Variants in DAD1 observed in about 807,000 individuals in gnomAD.
DAD1 encodes the protein defender against cell death 1.
A neutral mutation model predicts 9.0 loss-of-function variants in DAD1; 4 were observed. The observed-to-expected ratio is 0.44, with a 90% CI of 0.22 to 1.01. DAD1 has a LOEUF of 1.01. Among genes scored for constraint, DAD1 ranks in the 50% least tolerant of loss-of-function variants. The pLI is 0.24. For missense variants in DAD1, 119 were observed against 137.3 expected (o/e 0.87, Z 0.67); for synonymous variants, 60 against 62.5 (o/e 0.96, Z 0.19).
At chr14:22,573,578 C>T (rs146684163) in intron 2 of DAD1, among the ~76,000 whole-genome samples, 15,667 of 151,498 alleles carry the variant, frequency 0.1, 834 homozygotes, top group South Asian at 0.16. Context: ...GGCGTGGTGG[C>T]GGGCGCCTGT....
Position 22,578,469 on chromosome 14 carries a change from G to A in DAD1, c.212-3236C>T, listed in dbSNP as rs149670877. Among the ~76,000 whole-genome samples the A allele has an allele frequency of 3.2e-4, 49 of 152,122 alleles. No individual in the cohort carries two copies. The East Asian group carries it at 8.5e-3, about 26-fold the overall frequency. ...TAATCCCAGCTACTCAGGAGGCTGAGGCAGGAGAATTTGCTTAAACTCAGG... is the reference window on the plus strand; with the variant it reads ...TAATCCCAGCTACTCAGGAGGCTGAAGCAGGAGAATTTGCTTAAACTCAGG... On this transcript the variant is annotated intron_variant, in intron 1 of 2. Coordinates refer to ENST00000250498, the MANE Select transcript of DAD1 (RefSeq NM_001344.4).
chr14:22,573,282 G>A (rs945587168), intron 2 of DAD1, among the ~76,000 whole-genome samples: 15 of 151,912 alleles, frequency 9.9e-5, no homozygotes, highest in African/African-American at 3.4e-4. Flanking sequence ...AAAGTGCTGG[G>A]ATTATAGGCA....
At chr14:22,588,717 G>A (rs1195254661) in intron 1 of DAD1, among the ~76,000 whole-genome samples, 5 of 152,172 alleles carry the variant, frequency 3.3e-5, no homozygotes, top group Non-Finnish European at 5.9e-5. Flanking sequence ...GTGGAGTAGC[G>A]GCACGAAGGT....
rs1272394729 is a variant in DAD1 at position 22,588,928 on chromosome 14, T to G, written c.211+19A>C. 1 of 1,611,656 alleles carries G rather than the reference T, an allele frequency of 6.2e-7. No homozygotes were observed. Among genetic ancestry groups the G allele is most frequent in the South Asian group, 1.1e-5 (1 of 90,908 alleles). ...CCAAAGTAACACATTATTATTATGA[T>G]CACTTATAGAACCATTACCCGCTAG... is the stretch of plus-strand genomic sequence containing the variant. On this transcript the variant is annotated intron_variant, in intron 1 of 2. Coordinates refer to ENST00000250498, the MANE Select transcript of DAD1 (RefSeq NM_001344.4).
At chr14:22,575,904 G>C (rs1248296519) in intron 1 of DAD1, among the ~76,000 whole-genome samples, 1 of 152,206 alleles carries the variant, frequency 6.6e-6, no homozygotes, top group Non-Finnish European at 1.5e-5. Flanking sequence ...CAGGTACCCA[G>C]AGGAAGCCAA....
At chr14:22,588,809 T>G (rs748694351) in intron 1 of DAD1, 138 bp downstream of exon 1, 2 of 862,300 alleles carry the variant, frequency 2.3e-6, no homozygotes, top group Non-Finnish European at 3.5e-6. Flanking sequence ...AGCCTCAATT[T>G]CCCCATTCAC....
At chr14:22,565,747 T>A (rs1204622777) in intron 2 of DAD1, among the ~76,000 whole-genome samples, 1 of 152,140 alleles carries the variant, frequency 6.6e-6, no homozygotes, top group African/African-American at 2.4e-5. Flanking sequence ...GGAACTGAGA[T>A]CTGTAACTTG....
intron 1 of DAD1, among the ~76,000 whole-genome samples, chr14:22,579,947 C>T (rs143741303): frequency 2.2e-3 from 327 of 149,796 alleles, no homozygotes; most frequent in African/African-American, 7.7e-3. Context: ...TCAAACAATC[C>T]TCCCACCTCA....
intron 1 of DAD1, among the ~76,000 whole-genome samples, chr14:22,583,614 A>AT (rs921402356): frequency 6.6e-6 from 1 of 152,072 alleles, no homozygotes; most frequent in African/African-American, 2.4e-5. Context: ...GGTCAAACGG[A>AT]TTTTTTTTAA....
chr14:22,582,245 T>C (rs1449580891), intron 1 of DAD1, among the ~76,000 whole-genome samples: 1 of 149,554 alleles, frequency 6.7e-6, no homozygotes, highest in Admixed American at 6.7e-5. Flanking sequence ...CCAGGCGCAG[T>C]GGCTCACACC....
chr14:22,582,949 T>C lies in DAD1; in HGVS notation c.211+5998A>G, dbSNP rs540473033. On this transcript the variant is annotated intron_variant, in intron 1 of 2. Transcript: ENST00000250498. ...TAAACCCGGGAGATGGAGGTTGCAG[T>C]GAGCCGAGATTGTGCCACTGCACTC... 6.3e-5 allele frequency among the ~76,000 whole-genome samples: 9 copies of C among 142,254 alleles called. No homozygotes were observed. In the South Asian group the frequency reaches 1.7e-3, roughly 28 times the overall value. The allele number at this position is 142,254 out of a possible 152,430, so 93.3% of individuals were successfully genotyped here. A position where few individuals can be genotyped will look rare whatever the true frequency, so the allele number is the denominator to read the frequency against.
At position 22,585,978 on chromosome 14, in the gene DAD1, G is replaced by A. The variant is rs537117685; in HGVS notation, c.211+2969C>T. ...TCCCAACACTTTAGGAGGCCGAGGCGGGCGAATCACGAGGTCAGGAGATCA... is the reference window on the plus strand; with the variant it reads ...TCCCAACACTTTAGGAGGCCGAGGCAGGCGAATCACGAGGTCAGGAGATCA... On this transcript the variant is annotated intron_variant, in intron 1 of 2. Coordinates refer to ENST00000250498, the MANE Select transcript of DAD1 (RefSeq NM_001344.4). Among the ~76,000 whole-genome samples the A allele has an allele frequency of 5.3e-5, 8 of 151,524 alleles. No homozygotes were observed. In the South Asian group the frequency reaches 1.3e-3, roughly 24 times the overall value.
intron 1 of DAD1, among the ~76,000 whole-genome samples, chr14:22,586,276 T>C (rs2037152619): frequency 1.3e-5 from 2 of 151,288 alleles, no homozygotes; most frequent in African/African-American, 4.9e-5. Flanking sequence ...CCGGGCACAG[T>C]GACTCACACC....
intron 1 of DAD1, among the ~76,000 whole-genome samples, chr14:22,586,900 C>T (rs563357793): frequency 6.6e-6 from 1 of 152,274 alleles, no homozygotes; most frequent in South Asian, 2.1e-4. Flanking sequence ...TGAATCCCTT[C>T]TTTTCTTGAA....
intron 2 of DAD1, among the ~76,000 whole-genome samples, chr14:22,566,706 T>A (rs1162674742): frequency 3.3e-5 from 5 of 152,236 alleles, no homozygotes; most frequent in Non-Finnish European, 7.3e-5. Flanking sequence ...TTGACACTTT[T>A]AGAAATATAA....
At chr14:22,581,159 GAA>G (rs2037112990) in intron 1 of DAD1, among the ~76,000 whole-genome samples, 2 of 152,152 alleles carry the variant, frequency 1.3e-5, no homozygotes. Context: ...ATATGGCACA[GAA>G]CAAAACAGTC....
rs531490140 is a variant in DAD1, at chr14:22,579,303, A to G, written c.212-4070T>C. Among the ~76,000 whole-genome samples, 3 of 152,362 alleles carry G rather than the reference A, an allele frequency of 2.0e-5. No individual in the cohort carries two copies. The South Asian group carries it at 6.2e-4, about 32-fold the overall frequency. ...GTGATAAATTATTACATTGCTTAAGAAAACCTAAACTCGCTTCAGGCTAGC... is the reference window on the plus strand; with the variant it reads ...GTGATAAATTATTACATTGCTTAAGGAAACCTAAACTCGCTTCAGGCTAGC... On this transcript the variant is annotated intron_variant, in intron 1 of 2. Transcript: ENST00000250498.
At chr14:22,572,584 G>T (rs1355178839) in intron 2 of DAD1, among the ~76,000 whole-genome samples, 1 of 152,110 alleles carries the variant, frequency 6.6e-6, no homozygotes, top group African/African-American at 2.4e-5. Flanking sequence ...GTCCTAGGTT[G>T]TTAATATGGT....
intron 1 of DAD1, among the ~76,000 whole-genome samples, chr14:22,587,819 A>G (rs752878547): frequency 2.6e-5 from 4 of 150,984 alleles, no homozygotes; most frequent in Non-Finnish European, 5.9e-5. Context: ...GCTCACTACA[A>G]CCTCCACCTC....
Sources: allele counts gnomAD v4.1 joint callset (sites outside exome capture counted in the v4.1 genomes callset), GRCh38; gene constraint gnomAD v4.1.1; transcripts MANE v1.5; gene names NCBI Gene and HGNC (gene_info 2026-07-23, HGNC 2026-07-21).